The following TTLL9 variants were observed in gnomAD, a reference collection of about 807,000 sequenced individuals.
The protein encoded by TTLL9 is probable tubulin polyglutamylase TTLL9.
A neutral mutation model predicts 65.6 loss-of-function variants in TTLL9; 47 were observed. That is an observed-to-expected ratio of 0.72 (90% CI 0.57 to 0.91). The LOEUF (loss-of-function observed/expected upper bound fraction) is 0.91, where lower values mean the gene tolerates loss of function less well. Among genes scored for constraint, TTLL9 ranks in the 40% least tolerant of loss-of-function variants. The pLI, the probability that TTLL9 is intolerant of heterozygous loss-of-function variation, is 0.00. For synonymous variants in TTLL9, 179 were observed against 204.8 expected (o/e 0.87, Z 1.07); for missense variants, 537 against 568.8 (o/e 0.94, Z 0.57).
chr20:31,940,401 T>A (rs2064184596), intron 14 of TTLL9: 1 of 152,214 alleles, frequency 6.6e-6, no homozygotes, highest in Non-Finnish European at 1.5e-5. Context: ...TTCAGATGAC[T>A]ATATAACACT....
intron 10 of TTLL9, among the ~76,000 whole-genome samples, chr20:31,927,275 A>G (rs2063922058): frequency 6.6e-6 from 1 of 152,110 alleles, no homozygotes; most frequent in African/African-American, 2.4e-5. Context: ...TGAGGCCAAG[A>G]GTTGGAGACC....
chr20:31,919,948 C>A lies in TTLL9; in HGVS notation c.573+16C>A, dbSNP rs1310217543. ...CTGGAGGAAGGTGAGCCTGCCTCTT[C>A]CCCCTTCCTCCCTGAACCCTCCTCT... On this transcript the variant is annotated intron_variant, in intron 7 of 14. Coordinates refer to ENST00000535842, the MANE Select transcript of TTLL9 (RefSeq NM_001008409.5). 2.5e-6 allele frequency: 4 copies of A among 1,571,002 alleles called. No individual in the cohort carries two copies. The highest frequency in any genetic ancestry group is 3.7e-5 in the Admixed American group (2 of 53,744).
At chr20:31,908,178 G>A (rs548070662) in intron 4 of TTLL9, among the ~76,000 whole-genome samples, 2 of 152,286 alleles carry the variant, frequency 1.3e-5, no homozygotes, top group Admixed American at 6.5e-5. Context: ...GCTTGCAAAG[G>A]TTATCTCATT....
At chr20:31,933,928 G>A in intron 11 of TTLL9, 70 bp downstream of exon 11, 2 of 1,486,336 alleles carry the variant, frequency 1.3e-6, no homozygotes, top group African/African-American at 1.4e-5. Flanking sequence ...GGAGGGTGGA[G>A]TGGCAAGGAG....
At chr20:31,938,275 G>C (rs1244723850) in intron 13 of TTLL9, 1 of 453,884 alleles carries the variant, frequency 2.2e-6, no homozygotes, top group Admixed American at 2.4e-5. Flanking sequence ...TATAGTTCTT[G>C]TGCCCACCTC....
At chr20:31,879,731 A>G in intron 2 of TTLL9, 1 of 1,338,912 alleles carries the variant, frequency 7.5e-7, no homozygotes, top group South Asian at 1.3e-5. Context: ...GTTCTGGTGG[A>G]CCAGAGCCTG....
chr20:31,892,465 C>T (rs766092438), intron 3 of TTLL9, among the ~76,000 whole-genome samples: 2 of 152,152 alleles, frequency 1.3e-5, no homozygotes, highest in African/African-American at 4.8e-5. Flanking sequence ...CCACTGTGTT[C>T]GGCCCAACAT....
chr20:31,871,001 C>T (rs2062918360), intron 1 of TTLL9, 52 bp downstream of exon 1: 1 of 921,338 alleles, frequency 1.1e-6, no homozygotes, highest in Non-Finnish European at 1.8e-6. Flanking sequence ...GACACCCTAC[C>T]AACCAGCCTT....
intron 12 of TTLL9, 84 bp downstream of exon 12, chr20:31,934,972 C>A: frequency 7.7e-7 from 1 of 1,302,004 alleles, no homozygotes; most frequent in Non-Finnish European, 1.1e-6. Flanking sequence ...CCAGCTCTGC[C>A]AATTCCTAGT....
At position 31,934,868 on chromosome 20, in the gene TTLL9, C is replaced by T. The variant is rs767828734; in HGVS notation, c.984C>T (p.Leu328=). The part of the protein sequence containing the change: ...HCFELYGYDI[L]IDQDLKPWLL... ...TCGAGCTGTACGGCTATGACATCCT[C>T]ATCGACCAGGACCTCAAGCCGTAAG... The change falls in exon 12 of 15, where the codon CTC becomes CTT. Residue 328 remains leucine, a synonymous_variant. Transcript: ENST00000535842. 21 of 1,612,634 alleles carry T rather than the reference C, an allele frequency of 1.3e-5. No individual in the cohort carries two copies. Among genetic ancestry groups the T allele is most frequent in the Non-Finnish European group, 1.7e-5 (20 of 1,179,120 alleles).
At chr20:31,929,046 G>GT (rs2063959704) in intron 10 of TTLL9, among the ~76,000 whole-genome samples, 4 of 152,116 alleles carry the variant, frequency 2.6e-5, no homozygotes, top group Admixed American at 2.6e-4. Context: ...TGGCTAACTT[G>GT]TTTTTTGTAG....
At chr20:31,928,323 A>G (rs2063944538) in intron 10 of TTLL9, among the ~76,000 whole-genome samples, 1 of 152,092 alleles carries the variant, frequency 6.6e-6, no homozygotes, top group African/African-American at 2.4e-5. Flanking sequence ...TGAAATATTA[A>G]TAGAAAATAA....
chr20:31,922,366 G>T (rs1043982012), intron 7 of TTLL9, among the ~76,000 whole-genome samples: 1 of 151,574 alleles, frequency 6.6e-6, no homozygotes, highest in Non-Finnish European at 1.5e-5. Context: ...TCACATTGTT[G>T]TGCAACCACC....
chr20:31,883,702 A>T (rs2063150124), intron 2 of TTLL9, among the ~76,000 whole-genome samples: 1 of 152,212 alleles, frequency 6.6e-6, no homozygotes, highest in African/African-American at 2.4e-5. Flanking sequence ...TTGCATAATT[A>T]CATAAGAAAA....
intron 3 of TTLL9, among the ~76,000 whole-genome samples, chr20:31,889,427 ATTTTT>A (rs542012541): frequency 0.02 from 2,723 of 138,286 alleles, 40 homozygotes; most frequent in Middle Eastern, 0.047. Flanking sequence ...CACCTGGCTA[ATTTTT>A]TTTTTTTTTT....
chr20:31,902,938 A>G (rs995741031), intron 4 of TTLL9, among the ~76,000 whole-genome samples: 1 of 152,138 alleles, frequency 6.6e-6, no homozygotes, highest in Non-Finnish European at 1.5e-5. Context: ...ATCACAGCCA[A>G]CTACAACCTT....
chr20:31,901,023 G>A (rs774814566), intron 4 of TTLL9, among the ~76,000 whole-genome samples: 1 of 152,186 alleles, frequency 6.6e-6, no homozygotes, highest in Non-Finnish European at 1.5e-5. Context: ...ACACAGCTCT[G>A]TGAATCCAAG....
chr20:31,899,779 T>C (rs565085412), intron 4 of TTLL9, among the ~76,000 whole-genome samples: 1 of 152,088 alleles, frequency 6.6e-6, no homozygotes, highest in African/African-American at 2.4e-5. Flanking sequence ...TGTTTTTTTT[T>C]TTTGAGATGG....
intron 2 of TTLL9, chr20:31,879,750 G>A (rs529533440): frequency 1.2e-4 from 172 of 1,474,172 alleles, no homozygotes; most frequent in South Asian, 9.4e-4. Context: ...TGCGCACTCC[G>A]CCGAGAGCAT....
Sources: gnomAD v4.1 joint callset for allele counts (sites outside exome capture counted in the v4.1 genomes callset) on GRCh38, gnomAD v4.1.1 for gene constraint, MANE v1.5 for transcripts, NCBI Gene and HGNC (gene_info 2026-07-23, HGNC 2026-07-21) for gene names.